Variants in NBPF8 observed in about 807,000 individuals in gnomAD.
NBPF8 encodes the protein NBPF member 8, also known as NBPF family member NBPF8.
exon 13 of NBPF8, chr1:120,452,287 A>AG (rs1661300905): frequency 1.4e-6 from 2 of 1,419,328 alleles, no homozygotes; most frequent in Admixed American, 3.4e-5. Flanking sequence ...CAGCTGGCTG[A>AG]GGGGTGTAGA....
intron 1 of NBPF8, among the ~76,000 whole-genome samples, chr1:120,425,368 G>T (rs1342018307): frequency 6.6e-6 from 1 of 152,050 alleles, no homozygotes; most frequent in South Asian, 2.1e-4. Context: ...CAGCAATACT[G>T]CTCTTTAAGG....
chr1:120,460,088 AC>A (rs1661535444), intron 17 of NBPF8, among the ~76,000 whole-genome samples: 1 of 152,102 alleles, frequency 6.6e-6, no homozygotes, highest in African/African-American at 2.4e-5. Flanking sequence ...TAAATGGCTG[AC>A]TTTTCACCCA....
chr1:120,416,695 G>A (rs1660446748), upstream of NBPF8, among the ~76,000 whole-genome samples: 1 of 150,048 alleles, frequency 6.7e-6, no homozygotes, highest in South Asian at 2.1e-4. Context: ...TTACTAGACT[G>A]GGGTATATTT....
chr1:120,431,548 T>C (rs1557929894), upstream of NBPF8, among the ~76,000 whole-genome samples: 1 of 151,636 alleles, frequency 6.6e-6, no homozygotes, highest in African/African-American at 2.4e-5. Context: ...CACTGTTTAG[T>C]CATCAGGGAG....
At chr1:120,417,758 C>T (rs1190601568), upstream of NBPF8, among the ~76,000 whole-genome samples, 2 of 137,730 alleles carry the variant, frequency 1.5e-5, no homozygotes, top group Non-Finnish European at 3.1e-5. Flanking sequence ...TGCCACCATG[C>T]CTGGCTTAAT....
chr1:120,454,941 A>T (rs1661395814), intron 15 of NBPF8, among the ~76,000 whole-genome samples: 1 of 147,150 alleles, frequency 6.8e-6, no homozygotes, highest in Non-Finnish European at 1.5e-5. Flanking sequence ...TCCTGAACTC[A>T]TGACCTCAAA....
intron 1 of NBPF8, among the ~76,000 whole-genome samples, chr1:120,421,128 A>G (rs1252916563): frequency 6.6e-6 from 1 of 151,922 alleles, no homozygotes; most frequent in East Asian, 1.9e-4. Context: ...TTTGGGCACC[A>G]GAACTTATCC....
At chr1:120,435,902 A>C (rs1185589252), upstream of NBPF8, among the ~76,000 whole-genome samples, 1 of 151,310 alleles carries the variant, frequency 6.6e-6, no homozygotes, top group Non-Finnish European at 1.5e-5. Flanking sequence ...GAACATACTA[A>C]ATGATTCCAT....
intron 22 of NBPF8, 60 bp from the exon 21 acceptor site, chr1:120,464,316 T>A (rs1661680703): frequency 1.4e-6 from 1 of 715,098 alleles, no homozygotes; most frequent in Admixed American, 1.9e-5. Flanking sequence ...GAAACCTATT[T>A]GGGGTTCTGT....
At chr1:120,462,482 A>T (rs1452501122) in intron 20 of NBPF8, among the ~76,000 whole-genome samples, 2 of 129,662 alleles carry the variant, frequency 1.5e-5, no homozygotes, top group African/African-American at 5.8e-5. Flanking sequence ...TCTTTTCATG[A>T]TCACTGTTCG....
At chr1:120,445,998 G>A in exon 8 of NBPF8, 2 of 1,209,860 alleles carry the variant, frequency 1.7e-6, no homozygotes, top group East Asian at 5.1e-5. Context: ...ACAGCTGGCT[G>A]AGGGGTGTAG....
intron 17 of NBPF8, 121 bp downstream of exon 15, chr1:120,459,651 A>G (rs1661519619): frequency 9.3e-7 from 1 of 1,070,260 alleles, no homozygotes; most frequent in African/African-American, 1.7e-5. Flanking sequence ...CTGAACCTAT[A>G]TATCAATGTA....
upstream of NBPF8, among the ~76,000 whole-genome samples, chr1:120,434,477 A>G (rs1661015269): frequency 1.4e-5 from 2 of 146,468 alleles, no homozygotes. Flanking sequence ...CATTTACATT[A>G]GGTATTTCTC....
At chr1:120,428,177 A>C in intron 3 of NBPF8, among the ~76,000 whole-genome samples, 1 of 152,152 alleles carries the variant, frequency 6.6e-6, no homozygotes, top group South Asian at 2.1e-4. Flanking sequence ...GTACATAGAA[A>C]ATGAGCAAAC....
chr1:120,431,886 A>G (rs1382492475), upstream of NBPF8, among the ~76,000 whole-genome samples: 3 of 144,456 alleles, frequency 2.1e-5, no homozygotes, highest in Non-Finnish European at 4.5e-5. Flanking sequence ...GGGGAGGAAG[A>G]GAGTTTTGAC....
At chr1:120,466,024 G>A (rs1424611904) in exon 25 of NBPF8, 22 of 1,611,894 alleles carry the variant, frequency 1.4e-5, no homozygotes, top group Admixed American at 1.0e-4. Flanking sequence ...AGTCTTACAG[G>A]ACTCACTGGA....
chr1:120,460,198 A>T (rs1368721894), intron 17 of NBPF8, among the ~76,000 whole-genome samples: 1 of 152,210 alleles, frequency 6.6e-6, no homozygotes, highest in Non-Finnish European at 1.5e-5. Flanking sequence ...TGTGTCCACA[A>T]TCTCATAAAC....
upstream of NBPF8, among the ~76,000 whole-genome samples, chr1:120,418,583 C>T (rs1270835566): frequency 2.0e-5 from 3 of 150,362 alleles, no homozygotes; most frequent in Non-Finnish European, 4.4e-5. Context: ...CAGTGTCTCG[C>T]TCTGTTGCCC....
At chr1:120,464,447 C>G (rs1473057997) in exon 23 of NBPF8, 1 of 785,734 alleles carries the variant, frequency 1.3e-6, no homozygotes, top group East Asian at 2.4e-5. Context: ...TGTTATTCAA[C>G]TCCTTCCAGT....
Sources: allele counts gnomAD v4.1 joint callset (sites outside exome capture counted in the v4.1 genomes callset), GRCh38; gene constraint gnomAD v4.1.1; transcripts MANE v1.5; gene names NCBI Gene and HGNC (gene_info 2026-07-23, HGNC 2026-07-21).